IDUA: variants seen among roughly 807,000 people sequenced by gnomAD.
The protein encoded by IDUA is alpha-L-iduronidase, also known as iduronidase alpha-L-.
A neutral mutation model predicts 68.9 loss-of-function variants in IDUA; 65 were observed. That is an observed-to-expected ratio of 0.94 (90% CI 0.77 to 1.16). The LOEUF (loss-of-function observed/expected upper bound fraction) is 1.16, where lower values mean the gene tolerates loss of function less well. Ranked by LOEUF, IDUA falls within the 50% of genes most tolerant of loss-of-function variation. The pLI, the probability that IDUA is intolerant of heterozygous loss-of-function variation, is 0.00. For synonymous variants in IDUA, 529 were observed against 433.6 expected (o/e 1.22, Z -2.73); for missense variants, 1,046 against 938.0 (o/e 1.12, Z -1.50).
chr4:989,310 C>T, intron 2 of IDUA: 1 of 1,611,764 alleles, frequency 6.2e-7, no homozygotes, highest in Non-Finnish European at 8.5e-7. Flanking sequence ...ACAGCGGCCC[C>T]CCAAAGCGGA....
intron 2 of IDUA, chr4:989,633 C>A (rs779417668): frequency 2.5e-6 from 4 of 1,597,356 alleles, no homozygotes; most frequent in Non-Finnish European, 3.4e-6. Context: ...CGCTGTAGGT[C>A]GTGGAACAGC....
In IDUA at chr4:989,334, G is replaced by A. The variant is rs1433924836; in HGVS notation, c.299+1385G>A. On this transcript the variant is annotated intron_variant, in intron 2 of 13. Coordinates refer to ENST00000514224, the MANE Select transcript of IDUA (RefSeq NM_000203.5). ...CCCCAAAGCGGAACACCCGCACGCC[G>A]GGCTCAGGGACGAGGCCCTCGAACT... 18 of 1,606,694 alleles carry A rather than the reference G, an allele frequency of 1.1e-5. No homozygotes were observed. The Admixed American group carries it at 1.5e-4, about 14-fold the overall frequency.
intron 2 of IDUA, chr4:989,595 GACC>G (rs1714073466): frequency 6.2e-7 from 1 of 1,600,982 alleles, no homozygotes; most frequent in Non-Finnish European, 8.5e-7. Context: ...CCCGCAGGCT[GACC>G]ACGATGACGC....
chr4:991,207 G>T (rs1338985350), intron 2 of IDUA: 1 of 1,605,190 alleles, frequency 6.2e-7, no homozygotes, highest in African/African-American at 1.3e-5. Context: ...CAGCATGGCA[G>T]CCGAGCCGTT....
At chr4:990,140 T>C (rs1371673578) in intron 2 of IDUA, 1 of 1,570,042 alleles carries the variant, frequency 6.4e-7, no homozygotes, top group African/African-American at 1.3e-5. Context: ...CACACCGTGC[T>C]GGTGACCACG....
At chr4:1,003,313 G>A (rs1715232213) in intron 10 of IDUA, 32 bp from the exon 11 acceptor site, 1 of 1,426,686 alleles carries the variant, frequency 7.0e-7, no homozygotes, top group South Asian at 1.4e-5. Flanking sequence ...CAGCTCCCCT[G>A]GAGAACCCTG....
rs1231384417 is a variant in IDUA, at chr4:1,000,887, G to C, written c.391G>C (p.Glu131Gln). The change falls in exon 4 of 14, where the codon GAG becomes CAG. Residue 131 changes from glutamate to glutamine, a missense_variant. Glu to Gln is a conservative substitution (Grantham distance 29). Transcript: ENST00000514224. ...GCAGCCCTCCTGTGTTCCAGGGTTT[G>C]AGCTGATGGGCAGCGCCTCGGGCCA... The part of the protein sequence containing the change: ...LRENQLLPGF[E>Q]LMGSASGHFT... The C allele has an allele frequency of 1.2e-6, 2 of 1,613,048 alleles. No homozygotes were observed. Among genetic ancestry groups the C allele is most frequent in the Non-Finnish European group, 1.7e-6 (2 of 1,179,698 alleles).
At chr4:989,004 C>T in intron 2 of IDUA, 2 of 1,590,626 alleles carry the variant, frequency 1.3e-6, no homozygotes, top group Non-Finnish European at 1.7e-6. Flanking sequence ...AGCAGGCTAG[C>T]AGCAGGCTGA....
At chr4:998,789 C>A (rs1251233660) in intron 2 of IDUA, among the ~76,000 whole-genome samples, 1 of 151,158 alleles carries the variant, frequency 6.6e-6, no homozygotes, top group Non-Finnish European at 1.5e-5. Flanking sequence ...CCCGACCCCC[C>A]ACCTCACCCC....
chr4:1,000,976 C>G lies in IDUA; in HGVS notation c.480C>G (p.Ala160=). The change falls in exon 4 of 14, where the codon GCC becomes GCG. Residue 160 remains alanine (A), a synonymous_variant. Coordinates refer to ENST00000514224, the MANE Select transcript of IDUA (RefSeq NM_000203.5). ...GGAAGGACTTGGTCTCCAGCCTGGCCAGGAGATACATCGGTGGGCGAGCGC... is the reference window on the plus strand; with the variant it reads ...GGAAGGACTTGGTCTCCAGCCTGGCGAGGAGATACATCGGTGGGCGAGCGC... ...FEWKDLVSSL[A]RRYIGRYGLA... is the part of the protein sequence containing the mutation. The G allele has an allele frequency of 6.2e-7, 1 of 1,612,308 alleles. No individual in the cohort carries two copies. Among genetic ancestry groups the G allele is most frequent in the South Asian group, 1.1e-5 (1 of 91,066 alleles).
chr4:1,001,920 C>G (rs780391591), intron 6 of IDUA, 39 bp downstream of exon 6: 2 of 1,569,900 alleles, frequency 1.3e-6, no homozygotes, highest in African/African-American at 2.7e-5. Flanking sequence ...TGTTCTGCGC[C>G]CTCAGCCGCT....
rs1376824182 is a variant in IDUA, at chr4:1,004,468, C to A, written c.*75C>A. Reference sequence around the variant, plus strand: ...TGGGGCTGCACTGTGCCCATGCTGCCCTCCCATCACCCCCTTTGCAATATA... The same window carrying A: ...TGGGGCTGCACTGTGCCCATGCTGCACTCCCATCACCCCCTTTGCAATATA... On this transcript the variant is annotated 3_prime_UTR_variant, in exon 14 of 14. Coordinates refer to ENST00000514224, the MANE Select transcript of IDUA (RefSeq NM_000203.5). This position sits in a 1 kb window ranked among gnomAD's most constrained non-coding sequence, Gnocchi z 5.0. The A allele has an allele frequency of 3.6e-6, 5 of 1,376,084 alleles. No individual in the cohort carries two copies. Among genetic ancestry groups the A allele is most frequent in the African/African-American group, 2.9e-5 (2 of 69,980 alleles). 85.2% of individuals were successfully genotyped at this position (1,376,084 alleles called of 1,614,324 possible).
chr4:996,471 G>T (rs1486903577), intron 2 of IDUA, among the ~76,000 whole-genome samples: 1 of 152,240 alleles, frequency 6.6e-6, no homozygotes, highest in East Asian at 1.9e-4. Context: ...AAAACCTGGA[G>T]TGGGAGGTGG....
rs1018687587 is a variant in IDUA, at chr4:1,003,388, G to A, written c.1568G>A (p.Arg523His). The A allele has an allele frequency of 4.0e-6, 6 of 1,505,154 alleles. No individual in the cohort carries two copies. The highest frequency in any genetic ancestry group is 2.9e-5 in the African/African-American group (2 of 69,182). The allele number at this position is 1,505,154 out of a possible 1,614,324, so 93.2% of individuals were successfully genotyped here. The stretch of plus-strand genomic sequence containing the variant: ...CCCCGCCCCTTACCCGCCGGCGGCC[G>A]CCTGACCCTGCGCCCCGCGCTGCGG... ...AAPRPLPAGG[R>H]LTLRPALRLP... Residue 523 changes from arginine to histidine, a missense_variant, in exon 11 of 14, where the codon CGC (arginine) becomes CAC (histidine). Arg to His is a conservative substitution (Grantham distance 29). Coordinates refer to ENST00000514224, the MANE Select transcript of IDUA (RefSeq NM_000203.5).
chr4:990,011 GC>G (rs747081016), intron 2 of IDUA: 19 of 1,576,954 alleles, frequency 1.2e-5, no homozygotes, highest in Admixed American at 1.8e-5. Flanking sequence ...TTGTGGAGCT[GC>G]CCGAAGTGCG....
In IDUA at chr4:1,004,417, T is replaced by A; in HGVS notation, c.*24T>A. 1.2e-6 allele frequency: 2 copies of A among 1,608,428 alleles called. No individual in the cohort carries two copies. The highest frequency in any genetic ancestry group is 1.7e-6 in the Non-Finnish European group (2 of 1,179,820). On this transcript the variant is annotated 3_prime_UTR_variant, in exon 14 of 14. Transcript: ENST00000514224. This position sits in a 1 kb window ranked among gnomAD's most constrained non-coding sequence, Gnocchi z 5.0. Reference sequence around the variant, plus strand: ...GAGCCTGTGCTGAGCCCCAGTGGGTTGCACCTCCACCGGCAGTCAGCGAGC... The same window carrying A: ...GAGCCTGTGCTGAGCCCCAGTGGGTAGCACCTCCACCGGCAGTCAGCGAGC...
intron 1 of IDUA, chr4:987,568 G>A (rs1389980179): frequency 1.4e-5 from 18 of 1,325,730 alleles, no homozygotes; most frequent in Non-Finnish European, 1.5e-5. Flanking sequence ...TGAGGTACCC[G>A]CCTTCCTGGC....
chr4:991,938 GA>G, intron 2 of IDUA: 1 of 915,006 alleles, frequency 1.1e-6, no homozygotes, highest in Non-Finnish European at 1.7e-6. Flanking sequence ...AATCCATCGT[GA>G]GGTGAGATGG....
Position 987,517 on chromosome 4 carries a change from G to A in IDUA, c.158+275G>A. 6 of 901,604 alleles carry A rather than the reference G, an allele frequency of 6.7e-6. No homozygotes were observed. The South Asian group carries it at 1.1e-4, about 17-fold the overall frequency. 55.9% of individuals were successfully genotyped at this position (901,604 alleles called of 1,614,324 possible). The stretch of plus-strand genomic sequence containing the variant: ...TCCCCTGGGAGTGGACGGCCCTGCA[G>A]CGGGACCTGGCCTGCCTGTCCCATT... On this transcript the variant is annotated intron_variant, in intron 1 of 13. Coordinates refer to ENST00000514224, the MANE Select transcript of IDUA (RefSeq NM_000203.5).
Sources: allele counts gnomAD v4.1 joint callset (sites outside exome capture counted in the v4.1 genomes callset), GRCh38; gene constraint gnomAD v4.1.1; non-coding constraint Gnocchi (gnomAD v3.1); transcripts MANE v1.5; gene names NCBI Gene and HGNC (gene_info 2026-07-23, HGNC 2026-07-21).